Variants in NEK1 observed in about 807,000 individuals in gnomAD.
NEK1 encodes NIMA related kinase 1.
In NEK1, 137 loss-of-function variants were observed where a neutral mutation model predicts 182.1. The ratio of observed to expected loss-of-function variants is 0.75; its 90% CI spans 0.65 to 0.87. NEK1 has a LOEUF of 0.87. Among genes scored for constraint, NEK1 ranks in the 40% least tolerant of loss-of-function variants. The pLI is 0.00. For missense variants in NEK1, 1,391 were observed against 1,494.4 expected, an observed-to-expected ratio of 0.93 and a Z score of 1.14; for synonymous variants, 513 against 492.2, an observed-to-expected ratio of 1.04 and a Z score of -0.56.
intron 5 of NEK1, among the ~76,000 whole-genome samples, chr4:169,598,768 T>C (rs1769988252): frequency 6.6e-6 from 1 of 152,162 alleles, no homozygotes; most frequent in Non-Finnish European, 1.5e-5. Flanking sequence ...CAAAGCCACA[T>C]TTTAGGAATA....
intron 26 of NEK1, 43 bp downstream of exon 26, chr4:169,477,081 T>A: frequency 7.5e-7 from 1 of 1,335,766 alleles, no homozygotes; most frequent in Non-Finnish European, 1.0e-6. Flanking sequence ...AGTTTACATA[T>A]GTACTAGACC....
intron 16 of NEK1, 72 bp from the exon 17 acceptor site, chr4:169,556,167 AAAAAGT>A (rs1762138593): frequency 1.5e-6 from 2 of 1,376,636 alleles, no homozygotes; most frequent in African/African-American, 2.9e-5. Context: ...GTCTCAAAAG[AAAAAGT>A]AAATTTCAAT....
chr4:169,412,872 TGA>T (rs1733900540), intron 31 of NEK1, among the ~76,000 whole-genome samples: 1 of 108,564 alleles, frequency 9.2e-6, no homozygotes, highest in Admixed American at 1.3e-4. Context: ...GGAATAAGAC[TGA>T]GAGGGGTGGT....
intron 19 of NEK1, among the ~76,000 whole-genome samples, chr4:169,533,496 T>C (rs972325319): frequency 1.3e-5 from 2 of 152,144 alleles, no homozygotes; most frequent in African/African-American, 2.4e-5. Context: ...CAAAGTAACA[T>C]AGTCAACAGC....
chr4:169,576,596 T>A (rs982377263), intron 12 of NEK1: 3 of 174,538 alleles, frequency 1.7e-5, no homozygotes, highest in Admixed American at 1.2e-4. Context: ...ATACCAAATA[T>A]TTCCAGATTT....
intron 2 of NEK1, among the ~76,000 whole-genome samples, chr4:169,605,747 A>G (rs1771228724): frequency 6.6e-6 from 1 of 152,226 alleles, no homozygotes; most frequent in Admixed American, 6.5e-5. Context: ...CATCAAATGA[A>G]AATCACAATA....
At chr4:169,454,361 T>C (rs551308246) in intron 27 of NEK1, among the ~76,000 whole-genome samples, 23 of 152,246 alleles carry the variant, frequency 1.5e-4, no homozygotes, top group South Asian at 8.3e-4. Context: ...AGCTTCTGCA[T>C]GGCAAAAGAA....
intron 2 of NEK1, among the ~76,000 whole-genome samples, chr4:169,604,586 T>C (rs552836031): frequency 6.6e-6 from 1 of 152,358 alleles, no homozygotes; most frequent in South Asian, 2.1e-4. Context: ...CAGTTTACCA[T>C]ATTTCTCATT....
intron 27 of NEK1, among the ~76,000 whole-genome samples, chr4:169,447,670 C>T (rs1740827711): frequency 6.6e-6 from 1 of 152,086 alleles, no homozygotes; most frequent in South Asian, 2.1e-4. Flanking sequence ...AGTTTGAGAC[C>T]AGCCTGGCCA....
intron 35 of NEK1, among the ~76,000 whole-genome samples, chr4:169,394,904 A>AATCTT (rs1730435240): frequency 6.6e-6 from 1 of 152,192 alleles, no homozygotes; most frequent in Non-Finnish European, 1.5e-5. Context: ...AGAAAATGCT[A>AATCTT]ATGTTAGAAT....
intron 27 of NEK1, among the ~76,000 whole-genome samples, chr4:169,451,419 A>T (rs1319734141): frequency 6.6e-6 from 1 of 152,210 alleles, no homozygotes; most frequent in African/African-American, 2.4e-5. Context: ...AAAATAACAG[A>T]AATCACAACA....
intron 18 of NEK1, among the ~76,000 whole-genome samples, chr4:169,540,142 A>T (rs1184072893): frequency 2.0e-5 from 3 of 151,998 alleles, no homozygotes; most frequent in Non-Finnish European, 2.9e-5. Context: ...TCAAACACAA[A>T]CTTAATAACT....
chr4:169,514,684 C>G lies in NEK1; in HGVS notation c.1666-5832G>C, dbSNP rs141840555. ...GTTGAATTTATCCTTTTAATTGTTA[C>G]AAGATCTATAATTATACCCATTTTT... On this transcript the variant is annotated intron_variant, in intron 19 of 35. Coordinates refer to ENST00000507142, the MANE Select transcript of NEK1 (RefSeq NM_001199397.3). Among the ~76,000 whole-genome samples the G allele has an allele frequency of 1.2e-4, 19 of 152,282 alleles. No homozygotes were observed. The East Asian group carries it at 3.7e-3, about 29-fold the overall frequency.
chr4:169,463,783 G>A (rs1744426937), intron 26 of NEK1, among the ~76,000 whole-genome samples: 2 of 152,044 alleles, frequency 1.3e-5, no homozygotes, highest in South Asian at 2.1e-4. Context: ...TGGGACCAAA[G>A]TCTAAACATG....
At chr4:169,478,865 TTTTA>T (rs1465809266) in intron 24 of NEK1, among the ~76,000 whole-genome samples, 21 of 152,226 alleles carry the variant, frequency 1.4e-4, no homozygotes, top group African/African-American at 4.8e-4. Flanking sequence ...AGTTTAAGCT[TTTTA>T]TTTGTCTATG....
At chr4:169,602,150 A>T in intron 3 of NEK1, 46 bp from the exon 4 acceptor site, 1 of 1,377,158 alleles carries the variant, frequency 7.3e-7, no homozygotes. Flanking sequence ...CCATTAATAA[A>T]CAACCTAAAA....
intron 35 of NEK1, among the ~76,000 whole-genome samples, chr4:169,397,795 T>C (rs753703497): frequency 2.6e-5 from 4 of 152,192 alleles, no homozygotes; most frequent in Non-Finnish European, 5.9e-5. Flanking sequence ...CAATTCTACC[T>C]TGTGAATAAG....
intron 27 of NEK1, among the ~76,000 whole-genome samples, chr4:169,442,966 A>G (rs1012289305): frequency 6.6e-6 from 1 of 152,124 alleles, no homozygotes; most frequent in Admixed American, 6.5e-5. Flanking sequence ...TGAGTCCAGG[A>G]TTTGAGGCTG....
At chr4:169,601,045 T>A (rs1401185181) in intron 4 of NEK1, among the ~76,000 whole-genome samples, 1 of 152,188 alleles carries the variant, frequency 6.6e-6, no homozygotes, top group African/African-American at 2.4e-5. Flanking sequence ...TTCAAGGTCC[T>A]GAAAAGGAAG....
Sources: gnomAD v4.1 joint callset for allele counts (sites outside exome capture counted in the v4.1 genomes callset) on GRCh38, gnomAD v4.1.1 for gene constraint, MANE v1.5 for transcripts, NCBI Gene and HGNC (gene_info 2026-07-23, HGNC 2026-07-21) for gene names.